Variants in PTCD3 observed in about 807,000 individuals in gnomAD.
The protein encoded by PTCD3 is pentatricopeptide repeat domain 3, also known as small ribosomal subunit protein mS39.
A neutral mutation model predicts 101.9 loss-of-function variants in PTCD3; 89 were observed. The ratio of observed to expected loss-of-function variants is 0.87; its 90% confidence interval spans 0.74 to 1.04. PTCD3 has a LOEUF of 1.04. Among genes scored for constraint, PTCD3 ranks in the 50% least tolerant of loss-of-function variants. The pLI is 0.00. For missense variants in PTCD3, 870 were observed against 828.2 expected (o/e 1.05, Z -0.62); for synonymous variants, 296 against 278.5 (o/e 1.06, Z -0.63).
chr2:86,134,190 A>G lies in PTCD3; in HGVS notation c.1544-102A>G, dbSNP rs149352687. The G allele has an allele frequency of 3.5e-4, 284 of 810,998 alleles. 2 individuals carry two copies. The African/African-American group carries it at 4.3e-3, about 12-fold the overall frequency. The allele number at this position is 810,998 out of a possible 1,614,324, so 50.2% of individuals were successfully genotyped here. A position where few individuals can be genotyped will look rare whatever the true frequency, so the allele number is the denominator to read the frequency against. ...TCCTGGGATAAGCCTAGAATAAATA[A>G]CAGCAACTTATTTTTACCTACCAAA... is the stretch of plus-strand genomic sequence containing the variant. On this transcript the variant is annotated intron_variant, in intron 19 of 23. Coordinates refer to ENST00000254630, the MANE Select transcript of PTCD3 (RefSeq NM_017952.6).
rs533320960 is a variant in PTCD3, at chr2:86,141,174, A to G, written c.*3615A>G. ...CTGCAGAAGTCCTTCAACAAAACTA[A>G]TAATAGACTAGTGAAACCTACTCCT... On this transcript the variant is annotated 3_prime_UTR_variant, in exon 24 of 24. Transcript: ENST00000254630. 6 of 152,032 alleles carry G rather than the reference A, an allele frequency of 3.9e-5. No individual in the cohort carries two copies. Among genetic ancestry groups the G allele is most frequent in the Admixed American group, 1.3e-4 (2 of 15,294 alleles). 9.4% of individuals were successfully genotyped at this position (152,032 alleles called of 1,614,324 possible).
chr2:86,128,913 G>T (rs1674446506), intron 14 of PTCD3, among the ~76,000 whole-genome samples: 1 of 152,178 alleles, frequency 6.6e-6, no homozygotes, highest in South Asian at 2.1e-4. Flanking sequence ...AAATCTTTTG[G>T]TTCTTGTCCA....
In PTCD3 at chr2:86,127,253, T is replaced by C; in HGVS notation, c.1044T>C (p.Phe348=). 3 of 1,614,174 alleles carry C rather than the reference T, an allele frequency of 1.9e-6. No individual in the cohort carries two copies. Among genetic ancestry groups the C allele is most frequent in the Non-Finnish European group, 2.5e-6 (3 of 1,180,008 alleles). ...AATGTCTCCGAAGATTTCATGTGTT[T>C]GCAAGATCGCCAGCCTTACAGGTTT... ...ILKCLRRFHV[F]ARSPALQVLR... The change falls in exon 13 of 24, where the codon TTT becomes TTC. Residue 348 remains phenylalanine (F), a synonymous_variant. Coordinates refer to ENST00000254630, the MANE Select transcript of PTCD3 (RefSeq NM_017952.6).
rs556945057 is a variant in PTCD3, at chr2:86,130,853, A to T, written c.1237+116A>T. On this transcript the variant is annotated intron_variant, in intron 15 of 23. Coordinates refer to ENST00000254630, the MANE Select transcript of PTCD3 (RefSeq NM_017952.6). ...CTTAGAAGTATTTTTTTTTTTTTTT[A>T]AATAAATTTGAGTACATAGTAGGTG... is the stretch of plus-strand genomic sequence containing the variant. 244 of 1,331,970 alleles carry T rather than the reference A, an allele frequency of 1.8e-4. No homozygotes were observed. Among genetic ancestry groups the T allele is most frequent in the East Asian group, 6.7e-4 (25 of 37,524 alleles). The allele number at this position is 1,331,970 out of a possible 1,614,324, so 82.5% of individuals were successfully genotyped here. A position where few individuals can be genotyped will look rare whatever the true frequency, so the allele number is the denominator to read the frequency against.
chr2:86,108,677 G>A, intron 3 of PTCD3, 141 bp downstream of exon 3: 1 of 750,586 alleles, frequency 1.3e-6, no homozygotes, highest in Non-Finnish European at 2.1e-6. Context: ...GGAGAAGCTA[G>A]GAGTTTAAAG....
intron 12 of PTCD3, among the ~76,000 whole-genome samples, chr2:86,126,547 A>G (rs1674393262): frequency 6.6e-6 from 1 of 152,158 alleles, no homozygotes; most frequent in African/African-American, 2.4e-5. Flanking sequence ...TAACTTAAGA[A>G]TAGAAACGGC....
At chr2:86,127,103 A>G in intron 12 of PTCD3, 58 bp from the exon 13 acceptor site, 2 of 1,449,408 alleles carry the variant, frequency 1.4e-6, no homozygotes, top group East Asian at 4.6e-5. Context: ...TATGAAACAT[A>G]GATTATTGGA....
intron 14 of PTCD3, among the ~76,000 whole-genome samples, chr2:86,129,347 G>A (rs1445767088): frequency 3.3e-5 from 5 of 152,190 alleles, no homozygotes; most frequent in South Asian, 2.1e-4. Flanking sequence ...TTTGTCTTAT[G>A]TATATAAATT....
chr2:86,111,621 A>G (rs540534689), intron 4 of PTCD3, among the ~76,000 whole-genome samples: 165 of 152,258 alleles, frequency 1.1e-3, no homozygotes, highest in African/African-American at 3.9e-3. Flanking sequence ...CAGCTGAGCC[A>G]GGTGGCTCAT....
chr2:86,134,321 A>G lies in PTCD3; in HGVS notation c.1573A>G (p.Ser525Gly), dbSNP rs1400525352. 2.3e-5 allele frequency: 37 copies of G among 1,613,112 alleles called. No individual in the cohort carries two copies. Among genetic ancestry groups the G allele is most frequent in the Non-Finnish European group, 3.1e-5 (36 of 1,179,198 alleles). Residue 525 changes from serine to glycine, a missense_variant, in exon 20 of 24, where the codon AGT becomes GGT. Physicochemically the swap from Ser to Gly is moderately conservative, Grantham distance 56 (BLOSUM62 0). Coordinates refer to ENST00000254630, the MANE Select transcript of PTCD3 (RefSeq NM_017952.6). The part of the protein sequence containing the change: ...DSKEYGHTFR[S>G]DLREEILMLM... ...TAAAGAATATGGTCATACTTTCCGC[A>G]GTGACCTGAGAGAAGAGATCCTGAT...
intron 13 of PTCD3, 140 bp from the exon 14 acceptor site, chr2:86,127,799 CTT>C (rs950698523): frequency 5.7e-5 from 39 of 683,788 alleles, no homozygotes; most frequent in African/African-American, 4.5e-4. Flanking sequence ...TGGAAAATAA[CTT>C]TGTTCAAAGG....
At chr2:86,111,010 T>A (rs1412544217) in intron 3 of PTCD3, 103 bp from the exon 4 acceptor site, 2 of 1,039,870 alleles carry the variant, frequency 1.9e-6, no homozygotes, top group Non-Finnish European at 3.0e-6. Flanking sequence ...TCAGATGAGA[T>A]CTGCACTATG....
intron 4 of PTCD3, 126 bp downstream of exon 4, chr2:86,111,284 GA>G: frequency 6.2e-6 from 6 of 965,148 alleles, no homozygotes; most frequent in Non-Finnish European, 9.4e-6. Flanking sequence ...TGTGCGTCTA[GA>G]AAGTTTCTTT....
intron 4 of PTCD3, among the ~76,000 whole-genome samples, chr2:86,111,383 TC>T (rs1386037826): frequency 6.6e-6 from 1 of 151,910 alleles, no homozygotes; most frequent in African/African-American, 2.4e-5. Context: ...GGTCAGGAGA[TC>T]GAGACCATCC....
At chr2:86,114,186 A>G (rs1002192322) in intron 4 of PTCD3, among the ~76,000 whole-genome samples, 8 of 152,264 alleles carry the variant, frequency 5.3e-5, no homozygotes, top group African/African-American at 1.9e-4. Flanking sequence ...TGCTGGATAT[A>G]GAATTAGACA....
chr2:86,127,459 A>G, intron 13 of PTCD3, 154 bp downstream of exon 13: 1 of 827,270 alleles, frequency 1.2e-6, no homozygotes, highest in Non-Finnish European at 1.8e-6. Context: ...ACATGTACTT[A>G]TTATAGTGGG....
chr2:86,133,403 A>G lies in PTCD3; in HGVS notation c.1510A>G (p.Asn504Asp). 1 of 1,614,162 alleles carries G rather than the reference A, an allele frequency of 6.2e-7. No homozygotes were observed. The highest frequency in any genetic ancestry group is 8.5e-7 in the Non-Finnish European group (1 of 1,179,972). ...TCTTCTCCAAGCATTGGATGTGGCC[A>G]ATCGGCTAGAAGTGATTCCTAAAAT... ...IHLLQALDVA[N>D]RLEVIPKIWK... Residue 504 changes from asparagine to aspartate, a missense_variant, in exon 19 of 24, where the codon AAT becomes GAT. By Grantham distance (23) the Asn-to-Asp change is conservative (BLOSUM62 1). Transcript: ENST00000254630.
At chr2:86,135,123 A>G (rs575482696) in intron 21 of PTCD3, 136 bp downstream of exon 21, 1 of 1,022,024 alleles carries the variant, frequency 9.8e-7, no homozygotes, top group African/African-American at 1.6e-5. Context: ...TACCAACTAA[A>G]AAGCAAACTT....
chr2:86,106,402 C>G (rs748810715), intron 1 of PTCD3, 51 bp downstream of exon 1: 14 of 1,551,636 alleles, frequency 9.0e-6, no homozygotes, highest in Non-Finnish European at 1.2e-5. Context: ...TCACCTTAGT[C>G]CTATGTTTCC....
Sources: gnomAD v4.1 joint callset for allele counts (sites outside exome capture counted in the v4.1 genomes callset) on GRCh38, gnomAD v4.1.1 for gene constraint, MANE v1.5 for transcripts, NCBI Gene and HGNC (gene_info 2026-07-23, HGNC 2026-07-21) for gene names.